The following ENOX2 variants were observed in gnomAD, a reference collection of about 807,000 sequenced individuals.
ENOX2 encodes APK1 antigen.
Under a neutral mutation model 45.0 loss-of-function variants are expected in ENOX2, and 36 were observed. The observed-to-expected ratio is 0.80, with a 90% CI of 0.61 to 1.06. ENOX2 has a LOEUF of 1.06. Among genes scored for constraint, ENOX2 ranks in the 50% least tolerant of loss-of-function variants. ENOX2 has a pLI of 0.00. For missense variants in ENOX2, 423 were observed against 462.5 expected, an observed-to-expected ratio of 0.91 and a Z score of 0.78; for synonymous variants, 174 against 152.3, an observed-to-expected ratio of 1.14 and a Z score of -1.05.
At chrX:130,628,151 G>A in intron 13 of ENOX2, 108 bp from the exon 14 acceptor site, 2 of 530,132 alleles carry the variant, frequency 3.8e-6, no homozygotes, top group Non-Finnish European at 6.8e-6. Context: ...AAATATACTG[G>A]ACACTATTCT....
At chrX:130,727,633 T>C (rs998955551) in intron 3 of ENOX2, among the ~76,000 whole-genome samples, 2 of 112,131 alleles carry the variant, frequency 1.8e-5, no homozygotes, top group African/African-American at 6.5e-5. Context: ...ACAGTGAAGG[T>C]AGATGGAAGA....
chrX:130,790,173 G>A (rs773059631), intron 2 of ENOX2, among the ~76,000 whole-genome samples: 1 of 112,775 alleles, frequency 8.9e-6, no homozygotes, highest in Non-Finnish European at 1.9e-5. Context: ...TAATGAAGAA[G>A]AAGTGAGAAA....
intron 5 of ENOX2, among the ~76,000 whole-genome samples, chrX:130,686,073 G>A (rs1216031515): frequency 9.0e-6 from 1 of 111,406 alleles, no homozygotes; most frequent in Non-Finnish European, 1.9e-5. Context: ...ATTGCTGAGA[G>A]GAATTTCAGA....
intron 2 of ENOX2, among the ~76,000 whole-genome samples, chrX:130,892,854 C>G (rs2079005459): frequency 8.9e-6 from 1 of 112,433 alleles, no homozygotes; most frequent in Admixed American, 9.4e-5. Context: ...GTACTAATGT[C>G]TGCCACTTAA....
chrX:130,805,613 T>C (rs2077285677), intron 2 of ENOX2, among the ~76,000 whole-genome samples: 2 of 111,512 alleles, frequency 1.8e-5, no homozygotes, highest in African/African-American at 6.5e-5. Context: ...CACATGCACA[T>C]TTACACACCA....
intron 2 of ENOX2, among the ~76,000 whole-genome samples, chrX:130,832,438 CAT>C (rs1276151352): frequency 2.6e-4 from 22 of 85,284 alleles, no homozygotes; most frequent in East Asian, 8.3e-4. Context: ...CACACACACA[CAT>C]ACACACACAC....
chrX:130,660,847 G>A (rs2036669676), intron 9 of ENOX2, among the ~76,000 whole-genome samples: 1 of 112,027 alleles, frequency 8.9e-6, no homozygotes, highest in African/African-American at 3.2e-5. Flanking sequence ...GTGATTTCTG[G>A]AAACACATTA....
intron 3 of ENOX2, among the ~76,000 whole-genome samples, chrX:130,745,075 C>T (rs1023387279): frequency 7.2e-5 from 8 of 111,531 alleles, no homozygotes; most frequent in Admixed American, 4.7e-4. Context: ...TCCACGAAAC[C>T]GGTCCCTGGT....
intron 2 of ENOX2, among the ~76,000 whole-genome samples, chrX:130,826,550 T>C (rs1001359711): frequency 3.6e-5 from 4 of 111,934 alleles, no homozygotes; most frequent in Non-Finnish European, 7.5e-5. Context: ...TGAAGAGTGC[T>C]GTGCTTGGCT....
At chrX:130,860,323 TC>T (rs2078389195) in intron 2 of ENOX2, among the ~76,000 whole-genome samples, 2 of 111,928 alleles carry the variant, frequency 1.8e-5, no homozygotes, top group Non-Finnish European at 3.8e-5. Flanking sequence ...CTGTCTTCAC[TC>T]CCACGGATTT....
chrX:130,867,773 G>C (rs1360069733), intron 2 of ENOX2, among the ~76,000 whole-genome samples: 1 of 111,682 alleles, frequency 9.0e-6, no homozygotes, highest in Non-Finnish European at 1.9e-5. Flanking sequence ...CAAATACCCA[G>C]TGACACAGAA....
chrX:130,760,464 T>C (rs141458693), intron 3 of ENOX2, among the ~76,000 whole-genome samples: 132 of 110,712 alleles, frequency 1.2e-3, no homozygotes, highest in Non-Finnish European at 1.1e-3. Flanking sequence ...GTACATACAA[T>C]GTTAGCTGTA....
chrX:130,795,959 C>G (rs1258660194), intron 2 of ENOX2, among the ~76,000 whole-genome samples: 1 of 110,340 alleles, frequency 9.1e-6, no homozygotes, highest in African/African-American at 3.3e-5. Context: ...ATTGTAGGAT[C>G]TTAGAGTTCA....
intron 2 of ENOX2, among the ~76,000 whole-genome samples, chrX:130,785,803 T>C (rs983848623): frequency 1.4e-4 from 16 of 112,171 alleles, no homozygotes; most frequent in Non-Finnish European, 2.4e-4. Context: ...CAAAACAAGT[T>C]CCATGGAAGA....
intron 4 of ENOX2, among the ~76,000 whole-genome samples, chrX:130,689,230 T>C (rs2037527670): frequency 3.6e-5 from 4 of 112,056 alleles, no homozygotes; most frequent in Admixed American, 2.8e-4. Flanking sequence ...CCAGGGCTTA[T>C]TTAAGTCTCT....
intron 2 of ENOX2, among the ~76,000 whole-genome samples, chrX:130,874,050 A>G (rs1231345756): frequency 8.9e-6 from 1 of 111,804 alleles, no homozygotes; most frequent in Admixed American, 9.5e-5. Context: ...TAACAAACAA[A>G]AAAAAAGAAG....
chrX:130,851,422 C>T (rs911765091), intron 2 of ENOX2, among the ~76,000 whole-genome samples: 1 of 109,705 alleles, frequency 9.1e-6, no homozygotes. Context: ...GGTTTCACCA[C>T]GTTGCCCAGG....
chrX:130,637,082 CAAT>C (rs2035950103), intron 11 of ENOX2, 144 bp downstream of exon 11: 2 of 524,121 alleles, frequency 3.8e-6, no homozygotes, highest in Non-Finnish European at 6.6e-6. Context: ...TTAAACACAA[CAAT>C]AACTCCTTCC....
intron 2 of ENOX2, among the ~76,000 whole-genome samples, chrX:130,809,682 G>A (rs1033018581): frequency 9.0e-6 from 1 of 111,289 alleles, no homozygotes; most frequent in Non-Finnish European, 1.9e-5. Flanking sequence ...TAGGAAAGGG[G>A]TACATTTTTA....
Sources: gnomAD v4.1 joint callset for allele counts (sites outside exome capture counted in the v4.1 genomes callset) on GRCh38, gnomAD v4.1.1 for gene constraint, MANE v1.5 for transcripts, NCBI Gene and HGNC (gene_info 2026-07-23, HGNC 2026-07-21) for gene names.